Variants in ARSG observed in about 807,000 individuals in gnomAD.
ARSG encodes the protein arylsulfatase G, also known as ASG.
Under a neutral mutation model 50.5 loss-of-function variants are expected in ARSG, and 37 were observed. The observed-to-expected ratio is 0.73, with a 90% CI of 0.56 to 0.96. The LOEUF is 0.96. Ranked by LOEUF, ARSG falls within the 50% of genes least tolerant of loss-of-function variation. ARSG has a pLI of 0.00. For missense variants in ARSG, 629 were observed against 675.3 expected (o/e 0.93, Z 0.76); for synonymous variants, 225 against 254.6 (o/e 0.88, Z 1.11).
At chr17:68,434,417 T>A in the ARSG span, 1 of 783,582 alleles carries the variant, frequency 1.3e-6, no homozygotes, top group Non-Finnish European at 2.0e-6. Context: ...GGGAGTCAAT[T>A]ACCTGGGAGA....
At chr17:68,267,319 G>GTTC (rs1243144960) in intron 1 of ARSG, 1 of 152,154 alleles carries the variant, frequency 6.6e-6, no homozygotes, top group Non-Finnish European at 1.5e-5. Context: ...CAAGCTCAAA[G>GTTC]TTCTCAAGCA....
chr17:68,336,547 AT>A (rs2078029773), intron 2 of ARSG, among the ~76,000 whole-genome samples: 1 of 152,024 alleles, frequency 6.6e-6, no homozygotes, highest in Admixed American at 6.6e-5. Context: ...GTGTGATCAA[AT>A]TCGCATTATG....
the ARSG span, among the ~76,000 whole-genome samples, chr17:68,442,695 C>T: frequency 3.9e-5 from 6 of 152,212 alleles, no homozygotes; most frequent in Non-Finnish European, 8.8e-5. Flanking sequence ...CCCTGCCAGC[C>T]TCAAGCTCTA....
At chr17:68,344,414 A>G (rs1030975227) in intron 3 of ARSG, among the ~76,000 whole-genome samples, 1 of 152,372 alleles carries the variant, frequency 6.6e-6, no homozygotes, top group Non-Finnish European at 1.5e-5. Flanking sequence ...CATTGCTGGG[A>G]GACCAGCAAC....
intron 1 of ARSG, among the ~76,000 whole-genome samples, chr17:68,295,315 A>G (rs2076166120): frequency 6.6e-6 from 1 of 152,098 alleles, no homozygotes; most frequent in Non-Finnish European, 1.5e-5. Flanking sequence ...GATTTCTGTC[A>G]TACCTGTTAC....
At chr17:68,375,609 A>G (rs2080105604) in intron 8 of ARSG, among the ~76,000 whole-genome samples, 1 of 152,230 alleles carries the variant, frequency 6.6e-6, no homozygotes, top group African/African-American at 2.4e-5. Context: ...CCACACTTCC[A>G]GGGCTCAGTA....
the ARSG span, among the ~76,000 whole-genome samples, chr17:68,437,478 C>G: frequency 1.3e-5 from 2 of 151,828 alleles, no homozygotes; most frequent in African/African-American, 4.8e-5. Context: ...TTGCTTAAAC[C>G]TGGAGGTGGA....
At chr17:68,451,339 C>G in the ARSG span, among the ~76,000 whole-genome samples, 196 of 152,298 alleles carry the variant, frequency 1.3e-3, no homozygotes, top group African/African-American at 4.6e-3. Flanking sequence ...GAGGCTGAGG[C>G]ATGAGAATCA....
intron 1 of ARSG, among the ~76,000 whole-genome samples, chr17:68,264,717 G>A (rs1259367143): frequency 2.0e-5 from 3 of 152,120 alleles, no homozygotes; most frequent in East Asian, 3.9e-4. Flanking sequence ...GATTACAGGC[G>A]TGAGCCACTG....
chr17:68,378,020 G>C lies in ARSG; in HGVS notation c.983-7044G>C, dbSNP rs1371818661. Among the ~76,000 whole-genome samples the C allele has an allele frequency of 6.6e-6, 1 of 152,232 alleles. No homozygotes were observed. The highest frequency in any genetic ancestry group is 1.9e-4 in the East Asian group (1 of 5,190). ...TCCTCAGTCTCCAAAGCGGCTTCCT[G>C]TCAACTAACTATTCCACAGCCTCCT... On this transcript the variant is annotated intron_variant, in intron 8 of 11. Transcript: ENST00000621439. This position sits in a 1 kb window ranked among gnomAD's most constrained non-coding sequence, Gnocchi z 4.4.
chr17:68,268,006 T>C (rs1292451521), intron 1 of ARSG: 1 of 152,252 alleles, frequency 6.6e-6, no homozygotes, highest in Non-Finnish European at 1.5e-5. Context: ...TCAAGTATTC[T>C]TAAATGATAA....
chr17:68,339,653 T>C (rs2078182601), intron 2 of ARSG, among the ~76,000 whole-genome samples: 1 of 152,202 alleles, frequency 6.6e-6, no homozygotes, highest in African/African-American at 2.4e-5. Flanking sequence ...TACTTCCTTG[T>C]GGTGTCATTT....
intron 2 of ARSG, among the ~76,000 whole-genome samples, chr17:68,323,646 C>G (rs782574628): frequency 2.6e-5 from 4 of 152,106 alleles, no homozygotes; most frequent in Non-Finnish European, 5.9e-5. Flanking sequence ...GGGCCCATGT[C>G]CACATATGGA....
At chr17:68,266,462 T>G in intron 1 of ARSG, among the ~76,000 whole-genome samples, 1 of 95,396 alleles carries the variant, frequency 1.0e-5, no homozygotes, top group Admixed American at 1.1e-4. Context: ...AAAGTATATA[T>G]ATGTATATAT....
rs1365902602 is a variant in ARSG at position 68,337,115 on chromosome 17, C to T, written c.219-6489C>T. 6.6e-5 allele frequency among the ~76,000 whole-genome samples: 10 copies of T among 152,104 alleles called. No homozygotes were observed. The East Asian group carries it at 1.7e-3, about 26-fold the overall frequency. On this transcript the variant is annotated intron_variant, in intron 2 of 11. Coordinates refer to ENST00000621439, the MANE Select transcript of ARSG (RefSeq NM_001267727.2). ...CTAGGCAGCCCTGATGGGTTCTCTG[C>T]TGGGATGTGGGGTGGATGGTGGTGG...
intron 1 of ARSG, among the ~76,000 whole-genome samples, chr17:68,274,941 C>T (rs1201767001): frequency 2.6e-5 from 4 of 152,040 alleles, no homozygotes; most frequent in East Asian, 3.9e-4. Flanking sequence ...CCACCATGCC[C>T]GGCTGATTGT....
chr17:68,386,937 T>C (rs2080755271), intron 9 of ARSG, among the ~76,000 whole-genome samples: 1 of 152,012 alleles, frequency 6.6e-6, no homozygotes, highest in South Asian at 2.1e-4. Context: ...GGCCCCAGAA[T>C]TGTACCAGGA....
At chr17:68,269,547 C>G (rs1182573706) in intron 1 of ARSG, among the ~76,000 whole-genome samples, 2 of 145,548 alleles carry the variant, frequency 1.4e-5, no homozygotes, top group Non-Finnish European at 3.0e-5. Flanking sequence ...TATACTTGTT[C>G]TTCTTGGGCT....
At chr17:68,318,302 A>T (rs2077151840) in intron 2 of ARSG, among the ~76,000 whole-genome samples, 1 of 152,198 alleles carries the variant, frequency 6.6e-6, no homozygotes, top group Admixed American at 6.5e-5. Context: ...ATACAACACT[A>T]GTTTGGTTCT....
Sources: gnomAD v4.1 joint callset for allele counts (sites outside exome capture counted in the v4.1 genomes callset) on GRCh38, gnomAD v4.1.1 for gene constraint, Gnocchi (gnomAD v3.1) non-coding constraint, MANE v1.5 for transcripts, NCBI Gene and HGNC (gene_info 2026-07-23, HGNC 2026-07-21) for gene names.